Variants in SCFD2 observed in about 807,000 individuals in gnomAD.
The protein encoded by SCFD2 is sec1 family domain-containing protein 2.
SCFD2 carries 54 observed loss-of-function variants against 58.9 expected under a neutral mutation model. The ratio of observed to expected loss-of-function variants is 0.92; its 90% confidence interval spans 0.74 to 1.15. The LOEUF (loss-of-function observed/expected upper bound fraction) is 1.15, where lower values mean the gene tolerates loss of function less well. SCFD2 is among the 50% of genes most tolerant of loss of function. SCFD2 has a pLI of 0.00. For synonymous variants in SCFD2, 321 were observed against 335.9 expected, an observed-to-expected ratio of 0.96 and a Z score of 0.49; for missense variants, 805 against 836.6, an observed-to-expected ratio of 0.96 and a Z score of 0.47.
At chr4:52,994,805 T>C (rs368402758) in intron 5 of SCFD2, among the ~76,000 whole-genome samples, 103 of 152,324 alleles carry the variant, frequency 6.8e-4, no homozygotes, top group African/African-American at 2.4e-3. Context: ...TGAGAGTATC[T>C]ACATCTGCAT....
intron 5 of SCFD2, among the ~76,000 whole-genome samples, chr4:53,021,979 G>A (rs535532625): frequency 7.9e-5 from 12 of 152,264 alleles, no homozygotes; most frequent in African/African-American, 2.6e-4. Flanking sequence ...CCAGCATCCT[G>A]GTGTGAAAAA....
intron 4 of SCFD2, among the ~76,000 whole-genome samples, chr4:53,155,221 C>T (rs1726640500): frequency 6.6e-6 from 1 of 152,050 alleles, no homozygotes; most frequent in Admixed American, 6.6e-5. Flanking sequence ...AATGTTTGTC[C>T]CCTCCAAAAC....
intron 5 of SCFD2, among the ~76,000 whole-genome samples, chr4:53,115,877 T>C (rs1311140933): frequency 1.3e-5 from 2 of 152,198 alleles, no homozygotes; most frequent in African/African-American, 4.8e-5. Flanking sequence ...ATGTTTCCTT[T>C]CTTATCATAT....
intron 4 of SCFD2, among the ~76,000 whole-genome samples, chr4:53,270,255 G>A (rs998489483): frequency 2.0e-5 from 3 of 151,878 alleles, no homozygotes; most frequent in East Asian, 1.9e-4. Context: ...CAGATTAAGG[G>A]AGAAAAACTC....
intron 3 of SCFD2, among the ~76,000 whole-genome samples, chr4:53,307,583 G>A (rs1483869318): frequency 6.6e-6 from 1 of 152,220 alleles, no homozygotes; most frequent in Non-Finnish European, 1.5e-5. Context: ...GAATTGTTAA[G>A]TGGGTAATTG....
chr4:52,978,782 G>T (rs569369949), intron 5 of SCFD2, among the ~76,000 whole-genome samples: 3 of 152,220 alleles, frequency 2.0e-5, no homozygotes, highest in African/African-American at 4.8e-5. Context: ...TAGAATCAAG[G>T]CATTCACAAC....
At chr4:53,066,615 T>C (rs1370880032) in intron 5 of SCFD2, among the ~76,000 whole-genome samples, 1 of 152,044 alleles carries the variant, frequency 6.6e-6, no homozygotes, top group African/African-American at 2.4e-5. Context: ...CATTAAAAAC[T>C]GAAGGCTTTT....
intron 5 of SCFD2, among the ~76,000 whole-genome samples, chr4:53,016,177 G>C (rs1005012525): frequency 6.6e-6 from 1 of 152,116 alleles, no homozygotes; most frequent in African/African-American, 2.4e-5. Context: ...ATAAAACAAA[G>C]CTCTCAGAAT....
At chr4:52,917,100 T>C (rs1013664829) in intron 6 of SCFD2, among the ~76,000 whole-genome samples, 1 of 151,926 alleles carries the variant, frequency 6.6e-6, no homozygotes, top group African/African-American at 2.4e-5. Flanking sequence ...AGAGATGGAG[T>C]CTTGCTGTGT....
intron 5 of SCFD2, among the ~76,000 whole-genome samples, chr4:53,037,954 G>T (rs745340675): frequency 1.3e-5 from 2 of 152,078 alleles, no homozygotes; most frequent in Non-Finnish European, 2.9e-5. Flanking sequence ...TATAGATCTT[G>T]GATATCTGCT....
intron 4 of SCFD2, among the ~76,000 whole-genome samples, chr4:53,225,519 C>CT (rs1289197104): frequency 1.3e-5 from 2 of 152,182 alleles, no homozygotes; most frequent in Non-Finnish European, 2.9e-5. Flanking sequence ...ATGGCAAATA[C>CT]TTTTCCTATT....
chr4:53,298,343 C>T (rs977469583), intron 3 of SCFD2, among the ~76,000 whole-genome samples: 4 of 152,186 alleles, frequency 2.6e-5, no homozygotes, highest in Non-Finnish European at 1.5e-5. Context: ...GAGCCTCGCT[C>T]ATTGCTAGCA....
chr4:53,220,245 G>A (rs1300821407), intron 4 of SCFD2, among the ~76,000 whole-genome samples: 1 of 152,166 alleles, frequency 6.6e-6, no homozygotes, highest in Non-Finnish European at 1.5e-5. Flanking sequence ...AATACAGCAA[G>A]GACACCAACC....
intron 5 of SCFD2, among the ~76,000 whole-genome samples, chr4:52,951,421 TA>T (rs1254525086): frequency 6.6e-6 from 1 of 151,156 alleles, no homozygotes; most frequent in Non-Finnish European, 1.5e-5. Context: ...GAAGGCTTGT[TA>T]ACCTGAGACT....
intron 4 of SCFD2, among the ~76,000 whole-genome samples, chr4:53,146,595 C>T (rs1726338437): frequency 6.6e-6 from 1 of 152,122 alleles, no homozygotes. Flanking sequence ...TCCCTGCTTT[C>T]ATAGAGTTTA....
chr4:53,030,970 C>T (rs192362547), intron 5 of SCFD2, among the ~76,000 whole-genome samples: 2 of 152,318 alleles, frequency 1.3e-5, no homozygotes, highest in African/African-American at 4.8e-5. Flanking sequence ...AAACTCTTGA[C>T]ACACATAACA....
At position 52,952,970 on chromosome 4, in the gene SCFD2, T is replaced by C. The variant is rs1341993511; in HGVS notation, c.1562-32100A>G. 2.0e-5 allele frequency among the ~76,000 whole-genome samples: 3 copies of C among 152,200 alleles called. No individual in the cohort carries two copies. In the East Asian group the frequency reaches 5.8e-4, roughly 29 times the overall value. On this transcript the variant is annotated intron_variant, in intron 5 of 8. Transcript: ENST00000401642. ...AAAGTATCTTTTTAGTAGCCACAGA[T>C]AGCAGAAAAGTTTATAACTTTAAAA...
At chr4:52,988,414 C>T (rs993825568) in intron 5 of SCFD2, among the ~76,000 whole-genome samples, 3 of 152,170 alleles carry the variant, frequency 2.0e-5, no homozygotes, top group East Asian at 3.8e-4. Context: ...CCTAATCTTA[C>T]GAACCACATT....
rs541951448 is a variant in SCFD2, at chr4:53,176,843, G to C, written c.1312-31261C>G. Among the ~76,000 whole-genome samples, 9 of 151,746 alleles carry C rather than the reference G, an allele frequency of 5.9e-5. No homozygotes were observed. In the East Asian group the frequency reaches 1.2e-3, roughly 20 times the overall value. ...GGTTGCCTGTAATCCCAGCTATTCG[G>C]TATGCTGAGGCAGGAGAATCACTTG... On this transcript the variant is annotated intron_variant, in intron 4 of 8. Transcript: ENST00000401642.
Sources: gnomAD v4.1 joint callset for allele counts (sites outside exome capture counted in the v4.1 genomes callset) on GRCh38, gnomAD v4.1.1 for gene constraint, MANE v1.5 for transcripts, NCBI Gene and HGNC (gene_info 2026-07-23, HGNC 2026-07-21) for gene names.